The following PAH variants were observed in gnomAD, a reference collection of about 807,000 sequenced individuals.
PAH encodes phenylalanine hydroxylase, also known as phenylalanine-4-hydroxylase.
In PAH, 64 loss-of-function variants were observed where a neutral mutation model predicts 62.0. That is an observed-to-expected ratio of 1.03 (90% CI 0.84 to 1.27). The LOEUF is 1.27. PAH is among the 50% of genes most tolerant of loss of function. The pLI, the probability that PAH is intolerant of heterozygous loss-of-function variation, is 0.00. For missense variants in PAH, 579 were observed against 542.8 expected (o/e 1.07, Z -0.66); for synonymous variants, 195 against 196.2 (o/e 0.99, Z 0.05).
At chr12:102,884,541 T>C (rs1876952135) in intron 3 of PAH, among the ~76,000 whole-genome samples, 1 of 152,244 alleles carries the variant, frequency 6.6e-6, no homozygotes, top group African/African-American at 2.4e-5. Context: ...CCTGCGTCTC[T>C]GGCTTTGCAT....
At chr12:102,931,238 A>G (rs1592996935) in intron 1 of PAH, among the ~76,000 whole-genome samples, 1 of 152,310 alleles carries the variant, frequency 6.6e-6, no homozygotes, top group African/African-American at 2.4e-5. Context: ...TAGAGCCCCA[A>G]AGTTTTATAA....
chr12:102,958,326 G>T (rs1232589461), exon 1 of PAH: 8 of 1,471,564 alleles, frequency 5.4e-6, no homozygotes, highest in Non-Finnish European at 6.3e-6. Context: ...CCTGCCGCCC[G>T]CAGCCTGTTT....
At chr12:102,952,281 C>G (rs1468245508), upstream of PAH, among the ~76,000 whole-genome samples, 1 of 151,978 alleles carries the variant, frequency 6.6e-6, no homozygotes, top group Non-Finnish European at 1.5e-5. Context: ...GAATACTACA[C>G]CCAGCAGAGA....
intron 2 of PAH, among the ~76,000 whole-genome samples, chr12:102,911,514 A>T (rs1209316583): frequency 6.6e-6 from 1 of 152,146 alleles, no homozygotes; most frequent in Non-Finnish European, 1.5e-5. Flanking sequence ...ATCTCTGAAA[A>T]ATGGGGGCAG....
chr12:102,874,452 G>C (rs1283765408), intron 4 of PAH, among the ~76,000 whole-genome samples: 1 of 152,098 alleles, frequency 6.6e-6, no homozygotes, highest in Non-Finnish European at 1.5e-5. Flanking sequence ...TATGGCCTGA[G>C]ACATAGTTCA....
intron 1 of PAH, among the ~76,000 whole-genome samples, chr12:102,956,094 C>A (rs1399728801): frequency 6.6e-6 from 1 of 152,176 alleles, no homozygotes; most frequent in Non-Finnish European, 1.5e-5. Context: ...TTAGAAAGAT[C>A]CACCTCCACA....
rs118007777 is a variant in PAH at position 102,891,526 on chromosome 12, T to C, written c.352+3209A>G. ...GTGTTTATAATAATAATGATGATAA[T>C]GGTAAGAATAGAGAATAACTTTAAG... On this transcript the variant is annotated intron_variant, in intron 3 of 12. Transcript: ENST00000553106. Among the ~76,000 whole-genome samples, 612 of 152,266 alleles carry C rather than the reference T, an allele frequency of 4.0e-3. 2 individuals are homozygous for C. The highest frequency in any genetic ancestry group is 7.7e-3 in the Non-Finnish European group (527 of 68,024).
At chr12:102,938,888 C>T (rs748901802) in intron 1 of PAH, among the ~76,000 whole-genome samples, 19 of 152,206 alleles carry the variant, frequency 1.2e-4, no homozygotes, top group Admixed American at 7.8e-4. Flanking sequence ...CCACAGCCAC[C>T]TTCTCACTTC....
intron 8 of PAH, among the ~76,000 whole-genome samples, chr12:102,848,812 A>G (rs1275504920): frequency 6.6e-6 from 1 of 150,872 alleles, no homozygotes; most frequent in Non-Finnish European, 1.5e-5. Context: ...GAGACTGGAG[A>G]GGCTGAGTGT....
chr12:102,947,708 T>G (rs1879558383), intron 1 of PAH, among the ~76,000 whole-genome samples: 1 of 152,334 alleles, frequency 6.6e-6, no homozygotes, highest in South Asian at 2.1e-4. Context: ...TTATCTTTTA[T>G]GTGTAGCAAA....
intron 3 of PAH, among the ~76,000 whole-genome samples, chr12:102,889,628 A>T (rs1234560669): frequency 6.6e-6 from 1 of 152,160 alleles, no homozygotes; most frequent in Non-Finnish European, 1.5e-5. Context: ...TGGCAATTTG[A>T]ACTCACTTTT....
intron 3 of PAH, among the ~76,000 whole-genome samples, chr12:102,879,316 G>A (rs1255721330): frequency 3.3e-5 from 5 of 151,780 alleles, no homozygotes; most frequent in Non-Finnish European, 7.4e-5. Context: ...TACATAAAAC[G>A]TGACTTTCAA....
chr12:102,846,794 C>A (rs905641506), intron 9 of PAH, 101 bp downstream of exon 9: 2 of 911,494 alleles, frequency 2.2e-6, no homozygotes, highest in African/African-American at 3.3e-5. Context: ...TGATTTTTTT[C>A]CCCAGATAAC....
chr12:102,913,806 T>A (rs1173921057), intron 1 of PAH: 2 of 702,092 alleles, frequency 2.8e-6, no homozygotes, highest in Non-Finnish European at 5.2e-6. Flanking sequence ...ACTTACTACA[T>A]GCATGTGACA....
intron 2 of PAH, among the ~76,000 whole-genome samples, chr12:102,906,172 C>T (rs972363574): frequency 1.3e-5 from 2 of 152,128 alleles, no homozygotes; most frequent in African/African-American, 4.8e-5. Flanking sequence ...TACCATATTT[C>T]ACTCATTATA....
intron 1 of PAH, chr12:102,946,139 C>CA (rs768373435): frequency 2.0e-5 from 3 of 152,266 alleles, no homozygotes; most frequent in Non-Finnish European, 2.9e-5. Flanking sequence ...AGTTGCAAGA[C>CA]AAAGCCCTCT....
At chr12:102,851,369 T>C (rs1490632982) in intron 8 of PAH, among the ~76,000 whole-genome samples, 2 of 152,088 alleles carry the variant, frequency 1.3e-5, no homozygotes, top group East Asian at 3.9e-4. Flanking sequence ...TACTAAGAGA[T>C]TGGAAGAAGG....
chr12:102,898,940 C>T (rs1877620771), intron 2 of PAH, among the ~76,000 whole-genome samples: 1 of 152,118 alleles, frequency 6.6e-6, no homozygotes, highest in African/African-American at 2.4e-5. Flanking sequence ...TTTATGGCTC[C>T]AACTGCAGAC....
intron 5 of PAH, among the ~76,000 whole-genome samples, chr12:102,862,834 G>A (rs1016315562): frequency 2.0e-5 from 3 of 151,958 alleles, no homozygotes; most frequent in Admixed American, 1.3e-4. Context: ...CACAGTCTTT[G>A]TTATTGTCTA....
Sources: allele counts gnomAD v4.1 joint callset (sites outside exome capture counted in the v4.1 genomes callset), GRCh38; gene constraint gnomAD v4.1.1; transcripts MANE v1.5; gene names NCBI Gene and HGNC (gene_info 2026-07-23, HGNC 2026-07-21).